The following SIRT2 variants were observed in gnomAD, a reference collection of about 807,000 sequenced individuals.
SIRT2 encodes NAD-dependent protein deacetylase sirtuin-2.
SIRT2 carries 40 observed loss-of-function variants against 57.4 expected under a neutral mutation model. That is an observed-to-expected ratio of 0.70 (90% confidence interval 0.54 to 0.91). The LOEUF (loss-of-function observed/expected upper bound fraction) is 0.91. SIRT2 is among the 40% of genes least tolerant of loss of function. The pLI is 0.00. For missense variants in SIRT2, 439 were observed against 510.4 expected (o/e 0.86, Z 1.35); for synonymous variants, 161 against 195.7 (o/e 0.82, Z 1.48).
At chr19:38,893,559 C>G (rs200119969) in intron 3 of SIRT2, 32 bp from the exon 4 acceptor site, 1 of 1,500,376 alleles carries the variant, frequency 6.7e-7, no homozygotes, top group African/African-American at 1.4e-5. Flanking sequence ...AGCGGCAGGA[C>G]GGGCATTCAG....
chr19:38,888,815 G>T (rs1973423872), intron 8 of SIRT2, among the ~76,000 whole-genome samples: 1 of 152,230 alleles, frequency 6.6e-6, no homozygotes, highest in Non-Finnish European at 1.5e-5. Context: ...ATGGCCCTGA[G>T]AGGAGGTCAC....
Position 38,880,365 on chromosome 19 carries a change from G to T in SIRT2, c.876+320C>A. On this transcript the variant is annotated intron_variant, in intron 13 of 15. Transcript: ENST00000249396. This position sits in a 1 kb window ranked among gnomAD's most constrained non-coding sequence, Gnocchi z 4.1. ...GAGGCTGCCCAGGAAAAACAGACCT[G>T]AGAGACCCAGAGCGTGGACCCAACC... 3.1e-6 allele frequency: 1 copy of T among 319,364 alleles called. No homozygotes were observed. Among genetic ancestry groups the T allele is most frequent in the East Asian group, 5.4e-5 (1 of 18,366 alleles). The allele number at this position is 319,364 out of a possible 1,614,324, so 19.8% of individuals were successfully genotyped here.
chr19:38,883,577 G>C (rs1973224481), intron 9 of SIRT2, 50 bp downstream of exon 9: 1 of 1,596,468 alleles, frequency 6.3e-7, no homozygotes, highest in South Asian at 1.1e-5. Flanking sequence ...TGGAGACACT[G>C]CTCCTGGTGC....
In SIRT2 at chr19:38,880,742, G is replaced by T; in HGVS notation, c.825-6C>A. On this transcript the variant is annotated splice_polypyrimidine_tract_variant and splice_region_variant and intron_variant, in intron 12 of 15. Coordinates refer to ENST00000249396, the MANE Select transcript of SIRT2 (RefSeq NM_012237.4). This position sits in a 1 kb window ranked among gnomAD's most constrained non-coding sequence, Gnocchi z 4.1. ...GAGGGGTGGAGAGGGGTGCCCTGTG[G>T]GGAGGGGGAGCTAAGGGGTCAGGGT... is the stretch of plus-strand genomic sequence containing the variant. The T allele has an allele frequency of 6.2e-7, 1 of 1,608,800 alleles. No homozygotes were observed. The highest frequency in any genetic ancestry group is 8.5e-7 in the Non-Finnish European group (1 of 1,176,132).
At chr19:38,892,031 C>T (rs527467135) in intron 4 of SIRT2, 4 of 407,798 alleles carry the variant, frequency 9.8e-6, no homozygotes, top group African/African-American at 2.1e-5. Context: ...CACAAAGGGT[C>T]GATTGTTCTA....
In SIRT2 at chr19:38,879,177, G is replaced by A; in HGVS notation, c.1148C>T (p.Thr383Ile). 1 of 1,580,876 alleles carries A rather than the reference G, an allele frequency of 6.3e-7. No homozygotes were observed. Among genetic ancestry groups the A allele is most frequent in the Non-Finnish European group, 8.5e-7 (1 of 1,170,404 alleles). Residue 383 changes from threonine to isoleucine, a missense_variant, in exon 16 of 16, where the codon ACA (threonine) becomes ATA (isoleucine). Physicochemically the swap from Thr to Ile is moderately conservative, Grantham distance 89. Coordinates refer to ENST00000249396, the MANE Select transcript of SIRT2 (RefSeq NM_012237.4). ...CTGTCACTGGGGTTTCTCCCTCTCT[G>A]TTGTCCTGGCCTCGTCCTTGGCAGG... is the stretch of plus-strand genomic sequence containing the variant. ...PPPAKDEART[T>I]EREKPQ
chr19:38,893,724 CCTG>C (rs1973621487), intron 3 of SIRT2, 92 bp downstream of exon 3: 19 of 1,474,278 alleles, frequency 1.3e-5, no homozygotes, highest in Non-Finnish European at 1.8e-5. Context: ...GGATGTCACT[CCTG>C]ATGGAGTTGA....
At chr19:38,890,230 T>C in intron 4 of SIRT2, 86 bp from the exon 5 acceptor site, 1 of 1,398,446 alleles carries the variant, frequency 7.2e-7, no homozygotes, top group Admixed American at 1.8e-5. Context: ...TGACATCGTT[T>C]ACTCCATGCC....
intron 2 of SIRT2, among the ~76,000 whole-genome samples, chr19:38,896,748 C>T (rs1973729909): frequency 6.6e-6 from 1 of 152,192 alleles, no homozygotes; most frequent in Non-Finnish European, 1.5e-5. Context: ...TTGCCACAGC[C>T]TAACAGGAGG....
At chr19:38,879,771 C>G in intron 13 of SIRT2, 69 bp from the exon 14 acceptor site, 1 of 1,221,108 alleles carries the variant, frequency 8.2e-7, no homozygotes, top group Admixed American at 2.4e-5. Flanking sequence ...ACCCTGGAGC[C>G]AGGTGGCCTG....
At chr19:38,889,340 G>T (rs1555735993) in intron 7 of SIRT2, 185 bp from the exon 8 acceptor site, 1 of 724,976 alleles carries the variant, frequency 1.4e-6, no homozygotes, top group Non-Finnish European at 2.5e-6. Context: ...GACAGGGAAG[G>T]GGATTGTGTT....
intron 4 of SIRT2, 123 bp from the exon 5 acceptor site, chr19:38,890,267 C>T (rs1973491706): frequency 1.1e-6 from 1 of 874,924 alleles, no homozygotes; most frequent in Non-Finnish European, 1.9e-6. Flanking sequence ...ATCTCAGATG[C>T]ATGACGGGCC....
rs1374740620 is a variant in SIRT2 at position 38,880,187 on chromosome 19, G to A, written c.877-485C>T. The A allele has an allele frequency of 1.1e-5, 2 of 181,732 alleles. No homozygotes were observed. The highest frequency in any genetic ancestry group is 2.3e-5 in the Non-Finnish European group (2 of 85,908). The allele number at this position is 181,732 out of a possible 1,614,324, so 11.3% of individuals were successfully genotyped here. ...TGTCTTAGTTTCCTGTAGAATAGGG[G>A]TGATCACAAAACCGCGATGGGGTTG... On this transcript the variant is annotated intron_variant, in intron 13 of 15. Transcript: ENST00000249396. The surrounding 1 kb of genome is among the most constrained non-coding windows in gnomAD (Gnocchi z 4.1).
At chr19:38,887,194 GT>G (rs1018432105) in intron 8 of SIRT2, among the ~76,000 whole-genome samples, 1 of 152,118 alleles carries the variant, frequency 6.6e-6, no homozygotes, top group Non-Finnish European at 1.5e-5. Flanking sequence ...CAGCTTAACT[GT>G]GTTCCAGGGA....
rs1223914103 is a variant in SIRT2 at position 38,878,969 on chromosome 19, G to T, written c.*186C>A. ...CTGTTTAAGCCTTGGCCTCTAGGAG[G>T]TGTTAGAGATTTGCTGGGGTTGGGG... is the stretch of plus-strand genomic sequence containing the variant. On this transcript the variant is annotated 3_prime_UTR_variant, in exon 16 of 16. Transcript: ENST00000249396. 7 of 575,744 alleles carry T rather than the reference G, an allele frequency of 1.2e-5. No homozygotes were observed. Among genetic ancestry groups the T allele is most frequent in the Non-Finnish European group, 2.1e-5 (7 of 337,508 alleles). 35.7% of individuals were successfully genotyped at this position (575,744 alleles called of 1,614,324 possible).
intron 1 of SIRT2, 47 bp from the exon 2 acceptor site, chr19:38,898,472 G>T: frequency 7.5e-7 from 1 of 1,337,614 alleles, no homozygotes; most frequent in Non-Finnish European, 1.0e-6. Flanking sequence ...AACGATTAAG[G>T]GGGGAATAAA....
At chr19:38,898,335 C>G (rs750737920) in intron 2 of SIRT2, 44 bp downstream of exon 2, 1 of 1,393,940 alleles carries the variant, frequency 7.2e-7, no homozygotes, top group South Asian at 1.7e-5. Flanking sequence ...GGATGTGGAA[C>G]AAGTCCGTCT....
intron 8 of SIRT2, among the ~76,000 whole-genome samples, chr19:38,885,095 C>G (rs762607688): frequency 3.3e-5 from 5 of 151,346 alleles, no homozygotes; most frequent in South Asian, 2.1e-4. Context: ...GTGTTCTTTT[C>G]TTTTTTTGGA....
chr19:38,880,408 T>G lies in SIRT2; in HGVS notation c.876+277A>C. ...ACCCAACCCCGCCCCCCGCACTGTCTCTCCTGACCCCTGCACCCCCTCCCA... is the reference window on the plus strand; with the variant it reads ...ACCCAACCCCGCCCCCCGCACTGTCGCTCCTGACCCCTGCACCCCCTCCCA... On this transcript the variant is annotated intron_variant, in intron 13 of 15. Coordinates refer to ENST00000249396, the MANE Select transcript of SIRT2 (RefSeq NM_012237.4). This position sits in a 1 kb window ranked among gnomAD's most constrained non-coding sequence, Gnocchi z 4.1. The G allele has an allele frequency of 2.9e-6, 1 of 349,860 alleles. No individual in the cohort carries two copies. Among genetic ancestry groups the G allele is most frequent in the Non-Finnish European group, 5.1e-6 (1 of 196,244 alleles). The allele number at this position is 349,860 out of a possible 1,614,324, so 21.7% of individuals were successfully genotyped here.
Sources: allele counts gnomAD v4.1 joint callset (sites outside exome capture counted in the v4.1 genomes callset), GRCh38; gene constraint gnomAD v4.1.1; non-coding constraint Gnocchi (gnomAD v3.1); transcripts MANE v1.5; gene names NCBI Gene and HGNC (gene_info 2026-07-23, HGNC 2026-07-21).